The following DDX60 variants were observed in gnomAD, a reference collection of about 807,000 sequenced individuals.
DDX60 encodes the protein probable ATP-dependent RNA helicase DDX60.
Under a neutral mutation model 212.8 loss-of-function variants are expected in DDX60, and 165 were observed. That is an observed-to-expected ratio of 0.78 (90% CI 0.68 to 0.88). The LOEUF is 0.88. DDX60 is among the 40% of genes least tolerant of loss of function. The pLI is 0.00. For missense variants in DDX60, 1,905 were observed against 2,003.9 expected, an observed-to-expected ratio of 0.95 and a Z score of 0.94; for synonymous variants, 703 against 685.3, an observed-to-expected ratio of 1.03 and a Z score of -0.40.
intron 37 of DDX60, among the ~76,000 whole-genome samples, chr4:168,219,528 T>C (rs535364170): frequency 3.1e-4 from 47 of 152,102 alleles, no homozygotes; most frequent in Admixed American, 1.3e-3. Flanking sequence ...ATATTCCAAG[T>C]GGACAAAGCA....
chr4:168,246,987 C>G (rs1422830522), intron 29 of DDX60, among the ~76,000 whole-genome samples: 1 of 152,160 alleles, frequency 6.6e-6, no homozygotes, highest in Non-Finnish European at 1.5e-5. Context: ...GGCCCATCTT[C>G]CCCATCTCTC....
chr4:168,325,395 C>T, the DDX60 span, among the ~76,000 whole-genome samples: 1 of 152,124 alleles, frequency 6.6e-6, no homozygotes, highest in African/African-American at 2.4e-5. Context: ...AGAGTTCATT[C>T]TCTATTAATT....
rs183013178 is a variant in DDX60 at position 168,250,192 on chromosome 4, T to A, written c.3858+762A>T. 4.6e-3 allele frequency among the ~76,000 whole-genome samples: 697 copies of A among 152,300 alleles called. 5 individuals are homozygous for A. Among genetic ancestry groups the A allele is most frequent in the Non-Finnish European group, 8.0e-3 (541 of 68,026 alleles). On this transcript the variant is annotated intron_variant, in intron 28 of 37. Transcript: ENST00000393743. ...GGAGAGAGAACATAGATATATTTCA[T>A]GGTAGAAAAATTTGCCAAAGTATTT...
chr4:168,234,941 C>T lies in DDX60; in HGVS notation c.4533+1311G>A, dbSNP rs141024169. Among the ~76,000 whole-genome samples the T allele has an allele frequency of 3.0e-4, 45 of 152,164 alleles. No homozygotes were observed. The Middle Eastern group carries it at 0.01, about 35-fold the overall frequency. On this transcript the variant is annotated intron_variant, in intron 33 of 37. Transcript: ENST00000393743. ...GTCTCTCTTTCTAGGTCATGGATTT[C>T]TTAAGATTTTGAGAATAAGGCTAGT... is the stretch of plus-strand genomic sequence containing the variant.
At chr4:168,254,590 T>C (rs539963887) in intron 26 of DDX60, among the ~76,000 whole-genome samples, 15 of 152,126 alleles carry the variant, frequency 9.9e-5, no homozygotes, top group African/African-American at 3.6e-4. Context: ...AGAAGAAAAA[T>C]ACACGGTTCC....
At chr4:168,223,063 T>G (rs1342431027) in intron 35 of DDX60, among the ~76,000 whole-genome samples, 1 of 151,990 alleles carries the variant, frequency 6.6e-6, no homozygotes, top group Non-Finnish European at 1.5e-5. Context: ...AAAAGCAAAT[T>G]AATATAAAAA....
At chr4:168,225,388 TC>T in intron 34 of DDX60, 140 bp downstream of exon 34, 1 of 885,982 alleles carries the variant, frequency 1.1e-6, no homozygotes, top group Non-Finnish European at 1.6e-6. Flanking sequence ...AAAATTTTTT[TC>T]TTTAGAAAGG....
In DDX60 at chr4:168,224,386, C is replaced by G; in HGVS notation, c.4682-1G>C. ...TCTTCACATTCTTTACCTGTGAATT[C>G]TGACAATAATAGTTAGGGATAGATT... On this transcript the variant is annotated splice_acceptor_variant, in intron 34 of 37. Transcript: ENST00000393743. LOFTEE classifies it high-confidence loss of function. 1 of 1,611,092 alleles carries G rather than the reference C, an allele frequency of 6.2e-7. No individual in the cohort carries two copies. Among genetic ancestry groups the G allele is most frequent in the Non-Finnish European group, 8.5e-7 (1 of 1,178,050 alleles).
chr4:168,260,102 T>C (rs1458820793), intron 25 of DDX60, among the ~76,000 whole-genome samples: 1 of 151,630 alleles, frequency 6.6e-6, no homozygotes, highest in African/African-American at 2.4e-5. Flanking sequence ...TTTTTTTCTA[T>C]GTCGTCTTTA....
At chr4:168,318,447 C>T (rs1309305466) in intron 1 of DDX60, among the ~76,000 whole-genome samples, 175 bp downstream of exon 1, 2 of 152,258 alleles carry the variant, frequency 1.3e-5, no homozygotes, top group Non-Finnish European at 2.9e-5. Context: ...CCTTCCGGGC[C>T]AGCAGGGGGC....
intron 5 of DDX60, among the ~76,000 whole-genome samples, chr4:168,305,789 T>C (rs1432155475): frequency 1.3e-5 from 2 of 151,944 alleles, no homozygotes; most frequent in African/African-American, 2.4e-5. Flanking sequence ...ACTTTGAAAA[T>C]TCTCCTATTG....
chr4:168,289,240 G>A (rs185327824), intron 8 of DDX60, among the ~76,000 whole-genome samples: 5 of 152,242 alleles, frequency 3.3e-5, no homozygotes, highest in Admixed American at 6.5e-5. Context: ...AGTGAGCTCC[G>A]TTTCATTAAA....
At chr4:168,297,372 AAGAAAGAAAGAG>A (rs1736436849) in intron 6 of DDX60, among the ~76,000 whole-genome samples, 6 of 53,008 alleles carry the variant, frequency 1.1e-4, no homozygotes, top group African/African-American at 7.8e-4. Context: ...GAAAGAAAGA[AAGAAAGAAAGAG>A]AAAGAAAGAA....
chr4:168,217,113 G>A lies in DDX60; in HGVS notation c.5040-81C>T, dbSNP rs572282309. ...AAAGGCTTTCCTTGGTTAGGCAGAA[G>A]TAAGGAAATCCCATCAGATGATGAA... On this transcript the variant is annotated intron_variant, in intron 37 of 37. Transcript: ENST00000393743. The A allele has an allele frequency of 1.2e-5, 10 of 834,820 alleles. No individual in the cohort carries two copies. The African/African-American group carries it at 1.6e-4, about 13-fold the overall frequency. The allele number at this position is 834,820 out of a possible 1,614,324, so 51.7% of individuals were successfully genotyped here.
intron 19 of DDX60, 52 bp from the exon 20 acceptor site, chr4:168,269,021 C>T: frequency 9.5e-7 from 1 of 1,049,004 alleles, no homozygotes; most frequent in Non-Finnish European, 1.4e-6. Context: ...TTAAAAATAG[C>T]AAATGAAAGT....
rs144153528 is a variant in DDX60, at chr4:168,236,351, G to A, written c.4434C>T (p.Asp1478=). ...ATACTAATACTAGCTTTTCCATAACGTCTTGAGAAAAATGTTTTGAGCCTA... is the reference window on the plus strand; with the variant it reads ...ATACTAATACTAGCTTTTCCATAACATCTTGAGAAAAATGTTTTGAGCCTA... ...TRKGSKHFSQ[D]VMEKLVLVLA... Residue 1478 remains aspartate (D), a synonymous_variant, in exon 33 of 38, where the codon GAC becomes GAT. Transcript: ENST00000393743. The A allele has an allele frequency of 5.5e-5, 89 of 1,605,452 alleles. No individual in the cohort carries two copies. In the African/African-American group the frequency reaches 7.5e-4, roughly 14 times the overall value.
intron 3 of DDX60, among the ~76,000 whole-genome samples, chr4:168,310,182 C>A (rs889750974): frequency 6.6e-6 from 1 of 152,170 alleles, no homozygotes; most frequent in African/African-American, 2.4e-5. Flanking sequence ...GAGTTCAACA[C>A]AACGATGCTG....
intron 1 of DDX60, among the ~76,000 whole-genome samples, chr4:168,312,929 G>A (rs756520757): frequency 3.3e-5 from 5 of 152,112 alleles, no homozygotes; most frequent in South Asian, 2.1e-4. Context: ...ATGGAGACAC[G>A]AGCGTAAGTA....
chr4:168,242,377 A>C (rs1459802335), intron 30 of DDX60, among the ~76,000 whole-genome samples: 1 of 152,230 alleles, frequency 6.6e-6, no homozygotes, highest in African/African-American at 2.4e-5. Context: ...GAAAAGCCAC[A>C]GACACTCAAT....
Sources: allele counts gnomAD v4.1 joint callset (sites outside exome capture counted in the v4.1 genomes callset), GRCh38; gene constraint gnomAD v4.1.1; transcripts MANE v1.5; gene names NCBI Gene and HGNC (gene_info 2026-07-23, HGNC 2026-07-21).